ABTB3: variants seen among roughly 807,000 people sequenced by gnomAD.
ABTB3 encodes the protein ankyrin repeat and BTB domain containing 3.
chr12:107,615,788 T>G, the ABTB3 span, among the ~76,000 whole-genome samples: 1 of 152,206 alleles, frequency 6.6e-6, no homozygotes, highest in South Asian at 2.1e-4. Context: ...GAGTTGGTGT[T>G]CAGTGAACAG....
At chr12:107,398,450 C>T in the ABTB3 span, among the ~76,000 whole-genome samples, 12 of 152,070 alleles carry the variant, frequency 7.9e-5, no homozygotes, top group Admixed American at 3.9e-4. Context: ...TGTCTTCCAG[C>T]GGAAAGAGGA....
At chr12:107,446,105 G>A in the ABTB3 span, among the ~76,000 whole-genome samples, 2 of 152,012 alleles carry the variant, frequency 1.3e-5, no homozygotes, top group African/African-American at 4.8e-5. Context: ...CATCTTTAGG[G>A]GGCCCTTATT....
At chr12:107,380,397 C>T in the ABTB3 span, among the ~76,000 whole-genome samples, 8 of 152,250 alleles carry the variant, frequency 5.3e-5, no homozygotes, top group South Asian at 1.7e-3. Context: ...AGATGAAAGC[C>T]CCGCCCACAC....
chr12:107,619,383 ATGT>A, the ABTB3 span, among the ~76,000 whole-genome samples: 2 of 152,298 alleles, frequency 1.3e-5, no homozygotes, highest in African/African-American at 4.8e-5. Context: ...GCAGATGGAA[ATGT>A]TGTTTTGCAC....
chr12:107,584,856 C>T, the ABTB3 span, among the ~76,000 whole-genome samples: 36 of 152,116 alleles, frequency 2.4e-4, no homozygotes, highest in Non-Finnish European at 4.9e-4. Context: ...CAGGTTTATT[C>T]AAAAAGGAAT....
chr12:107,582,990 C>T, the ABTB3 span, among the ~76,000 whole-genome samples: 2 of 152,310 alleles, frequency 1.3e-5, no homozygotes, highest in Admixed American at 1.3e-4. Flanking sequence ...GGAGACCCTA[C>T]AGCTTAAAAG....
the ABTB3 span, among the ~76,000 whole-genome samples, chr12:107,380,292 T>A: frequency 6.6e-6 from 1 of 152,218 alleles, no homozygotes; most frequent in Non-Finnish European, 1.5e-5. Flanking sequence ...TGAATCTCTG[T>A]ATAATTTGCT....
At chr12:107,559,156 C>G in the ABTB3 span, among the ~76,000 whole-genome samples, 52 of 152,320 alleles carry the variant, frequency 3.4e-4, no homozygotes, top group African/African-American at 1.2e-3. Context: ...TAGGGACCAG[C>G]TGGATGCTTC....
the ABTB3 span, chr12:107,580,944 C>T: frequency 7.7e-6 from 12 of 1,551,532 alleles, no homozygotes; most frequent in East Asian, 2.4e-5. Flanking sequence ...AGAGAGCCTG[C>T]CCCGGGGTCA....
At chr12:107,368,839 T>C in the ABTB3 span, among the ~76,000 whole-genome samples, 1 of 152,246 alleles carries the variant, frequency 6.6e-6, no homozygotes, top group Non-Finnish European at 1.5e-5. Context: ...ATCTTATTAC[T>C]AACGAATTTG....
the ABTB3 span, among the ~76,000 whole-genome samples, chr12:107,613,598 T>C: frequency 1.3e-5 from 2 of 152,158 alleles, no homozygotes; most frequent in African/African-American, 4.8e-5. Context: ...ATTGCACCCA[T>C]CTCATATAGT....
chr12:107,608,495 A>C, the ABTB3 span, among the ~76,000 whole-genome samples: 18 of 152,144 alleles, frequency 1.2e-4, no homozygotes, highest in Admixed American at 3.9e-4. Flanking sequence ...ACCCTCACAC[A>C]ACCTGTGTGT....
the ABTB3 span, among the ~76,000 whole-genome samples, chr12:107,553,508 A>T: frequency 6.6e-6 from 1 of 152,156 alleles, no homozygotes; most frequent in Non-Finnish European, 1.5e-5. Flanking sequence ...CAGAATATGC[A>T]CCACCGGGGG....
the ABTB3 span, chr12:107,635,258 T>C: frequency 1.2e-6 from 2 of 1,607,340 alleles, no homozygotes; most frequent in African/African-American, 2.7e-5. Context: ...GCCCCCTGTA[T>C]CATGACCTCC....
At chr12:107,374,419 C>A in the ABTB3 span, among the ~76,000 whole-genome samples, 4 of 152,186 alleles carry the variant, frequency 2.6e-5, no homozygotes, top group African/African-American at 9.7e-5. Context: ...CCTCATGTCC[C>A]CCTCCCAGGC....
the ABTB3 span, chr12:107,617,309 G>T: frequency 6.2e-7 from 1 of 1,614,128 alleles, no homozygotes; most frequent in Non-Finnish European, 8.5e-7. Context: ...AGGAAATTTT[G>T]AGCTGGTTAG....
the ABTB3 span, among the ~76,000 whole-genome samples, chr12:107,344,517 C>A: frequency 6.6e-6 from 1 of 152,206 alleles, no homozygotes; most frequent in Non-Finnish European, 1.5e-5. Flanking sequence ...CAGTGAATCC[C>A]AGGACATCAG....
the ABTB3 span, among the ~76,000 whole-genome samples, chr12:107,643,491 G>T: frequency 6.6e-6 from 1 of 151,574 alleles, no homozygotes; most frequent in African/African-American, 2.4e-5. Flanking sequence ...TAGTGAGGAG[G>T]CTGGAGCCCC....
chr12:107,391,020 A>G, the ABTB3 span, among the ~76,000 whole-genome samples: 34 of 152,154 alleles, frequency 2.2e-4, no homozygotes, highest in African/African-American at 8.0e-4. Flanking sequence ...GTGTGGTGGC[A>G]TGTGCCTGTA....
Sources: gnomAD v4.1 joint callset for allele counts (sites outside exome capture counted in the v4.1 genomes callset) on GRCh38, gnomAD v4.1.1 for gene constraint, MANE v1.5 for transcripts, NCBI Gene and HGNC (gene_info 2026-07-23, HGNC 2026-07-21) for gene names.